The following COL4A3 variants were observed in gnomAD, a reference collection of about 807,000 sequenced individuals.
The protein encoded by COL4A3 is collagen alpha-3(IV) chain.
In COL4A3, 135 loss-of-function variants were observed where a neutral mutation model predicts 217.4. That is an observed-to-expected ratio of 0.62 (90% confidence interval 0.54 to 0.72). The LOEUF (loss-of-function observed/expected upper bound fraction) is 0.72, where lower values mean the gene tolerates loss of function less well. Ranked by LOEUF, COL4A3 falls within the 30% of genes least tolerant of loss-of-function variation. The probability of loss-of-function intolerance (pLI) is 0.00; values close to 1 mark genes in which losing one functional copy is unlikely to be tolerated. For synonymous variants in COL4A3, 690 were observed against 736.3 expected (o/e 0.94, Z 1.02); for missense variants, 1,868 against 2,119.9 (o/e 0.88, Z 2.33).
chr2:227,261,999 T>G (rs1460535043), intron 20 of COL4A3, among the ~76,000 whole-genome samples: 3 of 152,370 alleles, frequency 2.0e-5, no homozygotes, highest in African/African-American at 7.2e-5. Flanking sequence ...GATAAACTAC[T>G]GGGCATGTGC....
intron 1 of COL4A3, among the ~76,000 whole-genome samples, chr2:227,233,920 C>G (rs2068547551): frequency 6.6e-6 from 1 of 152,192 alleles, no homozygotes; most frequent in Non-Finnish European, 1.5e-5. Context: ...GACAAAATCT[C>G]TGGCATAAAA....
intron 47 of COL4A3, among the ~76,000 whole-genome samples, chr2:227,307,382 A>G (rs1173786207): frequency 6.6e-6 from 1 of 152,240 alleles, no homozygotes; most frequent in Non-Finnish European, 1.5e-5. Context: ...TTGTAGGAGG[A>G]TTCATTCATT....
intron 1 of COL4A3, among the ~76,000 whole-genome samples, chr2:227,170,578 CA>C (rs2065441561): frequency 6.6e-6 from 1 of 152,002 alleles, no homozygotes; most frequent in African/African-American, 2.4e-5. Context: ...CCCCATGATT[CA>C]ACTATCTCCC....
At position 227,222,164 on chromosome 2, in the gene COL4A3, ATG is replaced by A. The variant is rs1553744241; in HGVS notation, c.88-15803_88-15802del. Among the ~76,000 whole-genome samples the A allele has an allele frequency of 9.9e-3, 439 of 44,216 alleles. 4 individuals carry two copies. Among genetic ancestry groups the A allele is most frequent in the Admixed American group, 0.042 (136 of 3,204 alleles). 29.0% of individuals were successfully genotyped at this position (44,216 alleles called of 152,430 possible). ...AATAATAATAATAATAATAATAATA[ATG>A]ATAATGATAATAAAAAGCTCCTTAA... On this transcript the variant is annotated intron_variant, in intron 1 of 51. Coordinates refer to ENST00000396578, the MANE Select transcript of COL4A3 (RefSeq NM_000091.5).
intron 1 of COL4A3, among the ~76,000 whole-genome samples, chr2:227,206,590 G>C (rs1378881689): frequency 6.6e-6 from 1 of 152,086 alleles, no homozygotes; most frequent in African/African-American, 2.4e-5. Context: ...TTCCAAATGC[G>C]GCCCGTGACC....
chr2:227,233,850 G>T (rs2068544326), intron 1 of COL4A3, among the ~76,000 whole-genome samples: 1 of 152,088 alleles, frequency 6.6e-6, no homozygotes, highest in East Asian at 1.9e-4. Flanking sequence ...ATGGATTCTT[G>T]CAACTGTGAT....
intron 3 of COL4A3, among the ~76,000 whole-genome samples, chr2:227,243,545 T>C (rs2069148038): frequency 6.6e-6 from 1 of 152,204 alleles, no homozygotes; most frequent in Non-Finnish European, 1.5e-5. Context: ...TGGGAGAGAC[T>C]GACTTTGGCC....
chr2:227,310,691 C>A, intron 50 of COL4A3, 85 bp from the exon 51 acceptor site: 1 of 1,087,436 alleles, frequency 9.2e-7, no homozygotes, highest in Non-Finnish European at 1.4e-6. Flanking sequence ...CACAGTTGCC[C>A]ATTCATTCAA....
intron 1 of COL4A3, among the ~76,000 whole-genome samples, chr2:227,210,529 G>C (rs557762295): frequency 4.6e-5 from 7 of 152,282 alleles, no homozygotes; most frequent in Admixed American, 6.5e-5. Context: ...GGCGGAGGTT[G>C]CAGAGAGCCG....
At position 227,250,721 on chromosome 2, in the gene COL4A3, C is replaced by T. The variant is rs2069691281; in HGVS notation, c.547-419C>T. On this transcript the variant is annotated intron_variant, in intron 9 of 51. Coordinates refer to ENST00000396578, the MANE Select transcript of COL4A3 (RefSeq NM_000091.5). This position sits in a 1 kb window ranked among gnomAD's most constrained non-coding sequence, Gnocchi z 4.1. ...GGCTTTATGGAAAGGATGACAATTG[C>T]ATAAAGACAAGAAAAGGAAAAGGGA... Among the ~76,000 whole-genome samples the T allele has an allele frequency of 2.0e-5, 3 of 151,954 alleles. No individual in the cohort carries two copies. Among genetic ancestry groups the T allele is most frequent in the African/African-American group, 7.3e-5 (3 of 41,374 alleles).
chr2:227,190,173 C>T (rs548711922), intron 1 of COL4A3, among the ~76,000 whole-genome samples: 8 of 152,224 alleles, frequency 5.3e-5, no homozygotes, highest in Non-Finnish European at 8.8e-5. Flanking sequence ...ATTCATCAAA[C>T]AAGAATACAT....
chr2:227,166,169 A>G (rs181968716), intron 1 of COL4A3, among the ~76,000 whole-genome samples: 66 of 152,340 alleles, frequency 4.3e-4, no homozygotes, highest in African/African-American at 1.6e-3. Context: ...TTACATTTAG[A>G]TTATTCACTG....
chr2:227,308,579 T>A (rs1342915154), intron 48 of COL4A3, among the ~76,000 whole-genome samples: 2 of 152,250 alleles, frequency 1.3e-5, no homozygotes, highest in African/African-American at 4.8e-5. Context: ...TATTAGCTAT[T>A]ATGTACATAT....
intron 1 of COL4A3, among the ~76,000 whole-genome samples, chr2:227,202,746 A>AAAAATAT (rs1553738297): frequency 5.0e-4 from 11 of 22,210 alleles, no homozygotes; most frequent in African/African-American, 1.2e-3. Flanking sequence ...AAAAAAAAAA[A>AAAAATAT]ATATATATAT....
In COL4A3 at chr2:227,303,714, A is replaced by G. The variant is rs891605974; in HGVS notation, c.3956-145A>G. On this transcript the variant is annotated intron_variant, in intron 44 of 51. Transcript: ENST00000396578. ...TGCCAAAACCTATGTGAACAAAATG[A>G]AATTGTAGCCCTTGTGACAGAACCC... The G allele has an allele frequency of 6.2e-5, 49 of 789,140 alleles. No homozygotes were observed. The East Asian group carries it at 1.3e-3, about 21-fold the overall frequency. 48.9% of individuals were successfully genotyped at this position (789,140 alleles called of 1,614,324 possible).
chr2:227,189,699 G>C (rs2066158472), intron 1 of COL4A3, among the ~76,000 whole-genome samples: 1 of 152,092 alleles, frequency 6.6e-6, no homozygotes, highest in African/African-American at 2.4e-5. Flanking sequence ...ATTCAAAATA[G>C]AGTAAACCAT....
intron 1 of COL4A3, among the ~76,000 whole-genome samples, chr2:227,194,534 G>C (rs2066395651): frequency 6.6e-6 from 1 of 152,232 alleles, no homozygotes; most frequent in Non-Finnish European, 1.5e-5. Flanking sequence ...GCCCCTTTCT[G>C]TGGTCCTCAT....
intron 1 of COL4A3, among the ~76,000 whole-genome samples, chr2:227,228,948 T>G (rs1421114797): frequency 1.3e-5 from 2 of 152,148 alleles, no homozygotes; most frequent in Non-Finnish European, 1.5e-5. Context: ...GTGTATCCTA[T>G]GAACTCTTCT....
At position 227,185,606 on chromosome 2, in the gene COL4A3, C is replaced by A. The variant is rs115274896; in HGVS notation, c.87+20793C>A. Among the ~76,000 whole-genome samples the A allele has an allele frequency of 3.5e-3, 540 of 152,304 alleles. 2 individuals are homozygous for A. Among genetic ancestry groups the A allele is most frequent in the African/African-American group, 0.012 (519 of 41,556 alleles). On this transcript the variant is annotated intron_variant, in intron 1 of 51. Coordinates refer to ENST00000396578, the MANE Select transcript of COL4A3 (RefSeq NM_000091.5). Reference sequence around the variant, plus strand: ...TGTTATATAGTCCACTGATTTTCCCCTACTCCCATCACCATGTAGCTATTT... The same window carrying A: ...TGTTATATAGTCCACTGATTTTCCCATACTCCCATCACCATGTAGCTATTT...
Sources: allele counts gnomAD v4.1 joint callset (sites outside exome capture counted in the v4.1 genomes callset), GRCh38; gene constraint gnomAD v4.1.1; non-coding constraint Gnocchi (gnomAD v3.1); transcripts MANE v1.5; gene names NCBI Gene and HGNC (gene_info 2026-07-23, HGNC 2026-07-21).